The following FGGY variants were observed in gnomAD, a reference collection of about 807,000 sequenced individuals.
FGGY encodes the protein FGGY carbohydrate kinase domain-containing protein.
In FGGY, 72 loss-of-function variants were observed where a neutral mutation model predicts 71.3. That is an observed-to-expected ratio of 1.01 (90% CI 0.84 to 1.23). The LOEUF is 1.23. FGGY is among the 50% of genes most tolerant of loss of function. FGGY has a pLI of 0.00. For missense variants in FGGY, 668 were observed against 682.3 expected (o/e 0.98, Z 0.23); for synonymous variants, 251 against 250.3 (o/e 1.00, Z -0.02).
intron 5 of FGGY, among the ~76,000 whole-genome samples, chr1:59,393,741 G>A (rs1163088230): frequency 1.3e-5 from 2 of 152,138 alleles, no homozygotes; most frequent in Non-Finnish European, 2.9e-5. Flanking sequence ...TGGCTGTTAA[G>A]CTCTGATCTT....
At chr1:59,464,791 G>C (rs2092505232) in intron 6 of FGGY, among the ~76,000 whole-genome samples, 1 of 152,076 alleles carries the variant, frequency 6.6e-6, no homozygotes, top group East Asian at 1.9e-4. Context: ...TAAATTCCTG[G>C]ACACATACAC....
chr1:59,587,574 G>A (rs374679581), intron 8 of FGGY, among the ~76,000 whole-genome samples: 6 of 152,206 alleles, frequency 3.9e-5, no homozygotes, highest in Non-Finnish European at 7.4e-5. Flanking sequence ...CACCTCACAC[G>A]GCCGGGTACT....
intron 4 of FGGY, among the ~76,000 whole-genome samples, chr1:59,350,049 A>T (rs151168927): frequency 6.6e-6 from 1 of 152,176 alleles, no homozygotes; most frequent in Non-Finnish European, 1.5e-5. Context: ...TTTTAATGCT[A>T]TGATGGGAGA....
intron 4 of FGGY, among the ~76,000 whole-genome samples, chr1:59,353,694 G>A (rs185143797): frequency 6.6e-6 from 1 of 152,070 alleles, no homozygotes; most frequent in Non-Finnish European, 1.5e-5. Flanking sequence ...GCAGTCTGTG[G>A]GACAGATATT....
intron 14 of FGGY, among the ~76,000 whole-genome samples, chr1:59,723,210 A>G (rs1189793913): frequency 6.6e-6 from 1 of 152,158 alleles, no homozygotes; most frequent in African/African-American, 2.4e-5. Flanking sequence ...CAGCTGAAAG[A>G]GCAAGGAAAT....
intron 2 of FGGY, among the ~76,000 whole-genome samples, chr1:59,332,691 T>C (rs536442313): frequency 1.3e-5 from 2 of 152,340 alleles, no homozygotes; most frequent in East Asian, 3.9e-4. Context: ...GATTGTAATA[T>C]TGAGCACTCT....
intron 11 of FGGY, among the ~76,000 whole-genome samples, chr1:59,650,150 G>C (rs1406164295): frequency 6.8e-6 from 1 of 147,952 alleles, no homozygotes; most frequent in Non-Finnish European, 1.5e-5. Context: ...GATTTGGTTT[G>C]CCAGTATTGT....
chr1:59,667,197 C>A, intron 12 of FGGY, 86 bp from the exon 13 acceptor site: 1 of 1,529,418 alleles, frequency 6.5e-7, no homozygotes, highest in Non-Finnish European at 9.0e-7. Flanking sequence ...AGTACAGTGT[C>A]TAGCACTGAG....
At chr1:59,563,796 C>T (rs746979938) in intron 8 of FGGY, among the ~76,000 whole-genome samples, 13 of 152,184 alleles carry the variant, frequency 8.5e-5, no homozygotes, top group Non-Finnish European at 1.5e-4. Flanking sequence ...AACTCTACTA[C>T]AAGGCTACAG....
chr1:59,367,537 T>C (rs2056790498), intron 4 of FGGY, among the ~76,000 whole-genome samples: 1 of 152,252 alleles, frequency 6.6e-6, no homozygotes, highest in Admixed American at 6.5e-5. Context: ...TGTTTACTGC[T>C]CACAGCAGAT....
chr1:59,542,644 T>C (rs1453526963), intron 7 of FGGY, among the ~76,000 whole-genome samples: 2 of 151,750 alleles, frequency 1.3e-5, no homozygotes, highest in Non-Finnish European at 2.9e-5. Context: ...TTAGTAGAGA[T>C]GGGGTTTCTC....
chr1:59,732,933 T>C (rs908861449), intron 14 of FGGY, among the ~76,000 whole-genome samples: 1 of 152,032 alleles, frequency 6.6e-6, no homozygotes, highest in African/African-American at 2.4e-5. Flanking sequence ...ACCTTCCCCC[T>C]GTTCCCCGTA....
chr1:59,334,762 T>G (rs1019866308), intron 2 of FGGY, among the ~76,000 whole-genome samples: 1 of 152,214 alleles, frequency 6.6e-6, no homozygotes, highest in African/African-American at 2.4e-5. Flanking sequence ...ATTTTTGAGT[T>G]GACTTTTATG....
chr1:59,610,546 C>T (rs763519310), intron 9 of FGGY, among the ~76,000 whole-genome samples: 4 of 152,198 alleles, frequency 2.6e-5, no homozygotes, highest in Non-Finnish European at 5.9e-5. Context: ...TCCAAGATGG[C>T]CGAATAGGAA....
At position 59,341,673 on chromosome 1, in the gene FGGY, C is replaced by T. The variant is rs2050731763; in HGVS notation, c.313+1604C>T. On this transcript the variant is annotated intron_variant, in intron 3 of 15. Coordinates refer to ENST00000303721, the MANE Select transcript of FGGY (RefSeq NM_018291.5). ...GGCACTGTTCTGGCCCAGGACAGGGCAGCCTTGTTCTGAGCCATTTCAGAA... is the reference window on the plus strand; with the variant it reads ...GGCACTGTTCTGGCCCAGGACAGGGTAGCCTTGTTCTGAGCCATTTCAGAA... Among the ~76,000 whole-genome samples, 3 of 152,334 alleles carry T rather than the reference C, an allele frequency of 2.0e-5. No homozygotes were observed. In the South Asian group the frequency reaches 6.2e-4, roughly 32 times the overall value.
intron 7 of FGGY, among the ~76,000 whole-genome samples, chr1:59,535,179 A>G (rs1188812371): frequency 6.6e-6 from 1 of 152,110 alleles, no homozygotes; most frequent in Non-Finnish European, 1.5e-5. Context: ...AGGGGTTGCA[A>G]TCCTAGTCTC....
At chr1:59,445,680 A>G (rs2071072859) in intron 5 of FGGY, among the ~76,000 whole-genome samples, 1 of 152,166 alleles carries the variant, frequency 6.6e-6, no homozygotes, top group Admixed American at 6.5e-5. Flanking sequence ...ACTGCTTTCT[A>G]CAGCTCTGTG....
At chr1:59,716,256 A>G (rs1391547130) in intron 14 of FGGY, among the ~76,000 whole-genome samples, 1 of 152,122 alleles carries the variant, frequency 6.6e-6, no homozygotes, top group African/African-American at 2.4e-5. Context: ...TACTTAATAC[A>G]TCTGTTTTAT....
At chr1:59,463,298 C>T (rs7542842) in intron 6 of FGGY, among the ~76,000 whole-genome samples, 1 of 151,862 alleles carries the variant, frequency 6.6e-6, no homozygotes, top group Admixed American at 6.6e-5. Context: ...ATCCTTTACA[C>T]ACAAGCAAAT....
Sources: allele counts gnomAD v4.1 joint callset (sites outside exome capture counted in the v4.1 genomes callset), GRCh38; gene constraint gnomAD v4.1.1; transcripts MANE v1.5; gene names NCBI Gene and HGNC (gene_info 2026-07-23, HGNC 2026-07-21).